Variants in CDK15 observed in about 807,000 individuals in gnomAD.
CDK15 encodes cyclin dependent kinase 15.
A neutral mutation model predicts 60.3 loss-of-function variants in CDK15; 62 were observed. That is an observed-to-expected ratio of 1.03 (90% CI 0.84 to 1.27). CDK15 has a LOEUF of 1.27. Ranked by LOEUF, CDK15 falls within the 50% of genes most tolerant of loss-of-function variation. The pLI is 0.00. For missense variants in CDK15, 541 were observed against 527.8 expected (o/e 1.03, Z -0.25); for synonymous variants, 194 against 195.7 (o/e 0.99, Z 0.07).
At chr2:201,818,537 G>C (rs1696085745) in intron 4 of CDK15, among the ~76,000 whole-genome samples, 1 of 152,158 alleles carries the variant, frequency 6.6e-6, no homozygotes. Context: ...AAGAAAGAAA[G>C]ACCTTGTCTT....
intron 6 of CDK15, chr2:201,824,831 A>G: frequency 1.7e-6 from 1 of 595,438 alleles, no homozygotes; most frequent in Non-Finnish European, 2.4e-6. Context: ...TGTTACAGCA[A>G]TTGATCAAAA....
chr2:201,857,643 G>A (rs1444364587), intron 10 of CDK15, among the ~76,000 whole-genome samples: 1 of 152,138 alleles, frequency 6.6e-6, no homozygotes, highest in Non-Finnish European at 1.5e-5. Context: ...ATGGAGCAAA[G>A]GGAGTTGGAA....
In CDK15 at chr2:201,865,869, G is replaced by A. The variant is rs188769128; in HGVS notation, c.1010-6409G>A. ...CGTGCCACTGCACTCCAGCCTGGGC[G>A]ACAGAGCAAGATTCCATCTCAACAA... On this transcript the variant is annotated intron_variant, in intron 10 of 13. Transcript: ENST00000652192. 1.1e-3 allele frequency among the ~76,000 whole-genome samples: 126 copies of A among 113,672 alleles called. No individual in the cohort carries two copies. The East Asian group carries it at 0.024, about 22-fold the overall frequency. The allele number at this position is 113,672 out of a possible 152,430, so 74.6% of individuals were successfully genotyped here.
At chr2:201,819,243 TG>T (rs1215008025) in intron 4 of CDK15, among the ~76,000 whole-genome samples, 3 of 152,010 alleles carry the variant, frequency 2.0e-5, no homozygotes, top group Non-Finnish European at 4.4e-5. Flanking sequence ...GCGGAGGCTC[TG>T]AAGAAAGTGA....
chr2:201,877,664 G>A (rs1048255176), intron 11 of CDK15, among the ~76,000 whole-genome samples: 3 of 152,172 alleles, frequency 2.0e-5, no homozygotes, highest in African/African-American at 7.2e-5. Context: ...TGCCTGGACA[G>A]GATACCCTGG....
intron 10 of CDK15, among the ~76,000 whole-genome samples, chr2:201,855,479 C>T (rs528417644): frequency 1.1e-3 from 165 of 152,180 alleles, no homozygotes; most frequent in African/African-American, 2.6e-3. Context: ...CTTCTGGGAT[C>T]GATTTAGAAG....
chr2:201,814,031 T>A (rs1188152276), intron 4 of CDK15, among the ~76,000 whole-genome samples: 1 of 152,226 alleles, frequency 6.6e-6, no homozygotes, highest in Non-Finnish European at 1.5e-5. Flanking sequence ...GTGAACGTAA[T>A]AGAAATTCCC....
intron 6 of CDK15, among the ~76,000 whole-genome samples, chr2:201,832,587 T>A (rs1559123425): frequency 6.6e-6 from 1 of 152,220 alleles, no homozygotes; most frequent in African/African-American, 2.4e-5. Flanking sequence ...ATAGAACCAG[T>A]TAACATTTGA....
intron 10 of CDK15, chr2:201,860,986 A>T: frequency 8.3e-7 from 1 of 1,201,226 alleles, no homozygotes; most frequent in Admixed American, 3.0e-5. Context: ...TGTGAGCACA[A>T]GCTAAGGTCT....
chr2:201,875,031 C>T (rs1699022591), intron 11 of CDK15, among the ~76,000 whole-genome samples: 1 of 152,162 alleles, frequency 6.6e-6, no homozygotes, highest in Non-Finnish European at 1.5e-5. Context: ...GAAATCAAAA[C>T]TGCTGTCCCA....
chr2:201,849,229 C>T (rs983614842), intron 9 of CDK15, among the ~76,000 whole-genome samples: 2 of 152,208 alleles, frequency 1.3e-5, no homozygotes, highest in Admixed American at 6.5e-5. Flanking sequence ...ATAACAAGCT[C>T]CATGCACCAT....
intron 9 of CDK15, among the ~76,000 whole-genome samples, chr2:201,849,520 G>A (rs1452767931): frequency 6.6e-6 from 1 of 151,856 alleles, no homozygotes; most frequent in Non-Finnish European, 1.5e-5. Flanking sequence ...ACTCTACAAG[G>A]TCTTGTAAGA....
At chr2:201,875,351 G>A (rs1412860176) in intron 11 of CDK15, among the ~76,000 whole-genome samples, 1 of 149,314 alleles carries the variant, frequency 6.7e-6, no homozygotes, top group Non-Finnish European at 1.5e-5. Context: ...AATTGGTACA[G>A]CTCTTCTAGC....
intron 8 of CDK15, among the ~76,000 whole-genome samples, chr2:201,837,508 AAG>A (rs1697182760): frequency 6.9e-6 from 1 of 144,826 alleles, no homozygotes; most frequent in Non-Finnish European, 1.5e-5. Context: ...GGAAGGAAGG[AAG>A]GAAAGAAGGA....
Position 201,876,503 on chromosome 2 carries a change from C to T in CDK15, c.1059-3525C>T, listed in dbSNP as rs751550710. 2.2e-5 allele frequency: 23 copies of T among 1,054,496 alleles called. No homozygotes were observed. The South Asian group carries it at 2.5e-4, about 11-fold the overall frequency. The allele number at this position is 1,054,496 out of a possible 1,614,324, so 65.3% of individuals were successfully genotyped here. On this transcript the variant is annotated intron_variant, in intron 11 of 13. Coordinates refer to ENST00000652192, the MANE Select transcript of CDK15 (RefSeq NM_001366386.2). The stretch of plus-strand genomic sequence containing the variant: ...TGGAGTTGGCTTGTACAGGGGAGAC[C>T]GACACACACTTGGCTCCTAGGAGGA...
intron 13 of CDK15, among the ~76,000 whole-genome samples, chr2:201,892,289 G>A (rs2105849828): frequency 6.6e-6 from 1 of 152,268 alleles, no homozygotes; most frequent in Middle Eastern, 3.4e-3. Context: ...ATGAACTTTA[G>A]CTGCATTCTG....
rs1302097834 is a variant in CDK15, at chr2:201,822,878, C to A, written c.518C>A (p.Thr173Lys). 5.0e-6 allele frequency: 8 copies of A among 1,611,136 alleles called. No homozygotes were observed. The highest frequency in any genetic ancestry group is 6.8e-6 in the Non-Finnish European group (8 of 1,177,528). The change falls in exon 5 of 14, where the codon ACA becomes AAA. Residue 173 changes from threonine (T) to lysine (K), a missense_variant. Physicochemically the swap from Thr to Lys is moderately conservative, Grantham distance 78. Coordinates refer to ENST00000652192, the MANE Select transcript of CDK15 (RefSeq NM_001366386.2). ...LLHDIIHTKE[T>K]LTFVFEYMHT... ...CATGACATAATCCACACCAAAGAGA[C>A]ACTGACATTCGTTTTTGAATACATG...
chr2:201,892,078 T>C (rs977020623), intron 13 of CDK15, among the ~76,000 whole-genome samples: 10 of 152,260 alleles, frequency 6.6e-5, no homozygotes, highest in African/African-American at 2.4e-4. Flanking sequence ...CTAAGATCAT[T>C]GTCTTGTCTT....
At chr2:201,831,517 G>A (rs1259663312) in intron 6 of CDK15, among the ~76,000 whole-genome samples, 1 of 152,164 alleles carries the variant, frequency 6.6e-6, no homozygotes, top group East Asian at 1.9e-4. Flanking sequence ...AGGTTGGAAG[G>A]GATGAAAGGG....
Sources: allele counts gnomAD v4.1 joint callset (sites outside exome capture counted in the v4.1 genomes callset), GRCh38; gene constraint gnomAD v4.1.1; transcripts MANE v1.5; gene names NCBI Gene and HGNC (gene_info 2026-07-23, HGNC 2026-07-21).